MYH15: variants seen among roughly 807,000 people sequenced by gnomAD.
The protein encoded by MYH15 is myosin-15.
A neutral mutation model predicts 240.5 loss-of-function variants in MYH15; 227 were observed. The observed-to-expected ratio is 0.94, with a 90% CI of 0.85 to 1.05. The LOEUF (loss-of-function observed/expected upper bound fraction) is 1.05. MYH15 is among the 50% of genes least tolerant of loss of function. MYH15 has a pLI of 0.00. For missense variants in MYH15, 2,217 were observed against 2,247.5 expected, an observed-to-expected ratio of 0.99 and a Z score of 0.27; for synonymous variants, 785 against 796.7, an observed-to-expected ratio of 0.99 and a Z score of 0.25.
rs1346416474 is a variant in MYH15 at position 108,455,820 on chromosome 3, C to G, written c.2178G>C (p.Lys726Asn). ...CAGCTGCTTTTCTGCTGCTCACAAA[C>G]TTGCTCTTTGGAAAGGTCCTTGGAT... ...ILNPRTFPKS[K>N]FVSSRKAAEE... The change falls in exon 20 of 41, where the codon AAG becomes AAC. Residue 726 changes from lysine to asparagine, a missense_variant. By Grantham distance (94) the Lys-to-Asn change is moderately conservative (BLOSUM62 0). Transcript: ENST00000693548. 6.2e-7 allele frequency: 1 copy of G among 1,613,424 alleles called. No homozygotes were observed. The highest frequency in any genetic ancestry group is 1.1e-5 in the South Asian group (1 of 91,066).
intron 29 of MYH15, among the ~76,000 whole-genome samples, chr3:108,415,222 A>G (rs2082624048): frequency 6.6e-6 from 1 of 152,160 alleles, no homozygotes; most frequent in Admixed American, 6.5e-5. Context: ...AAAGAACACT[A>G]GATCCTGACG....
intron 16 of MYH15, chr3:108,461,801 T>G (rs1277213792): frequency 6.6e-6 from 1 of 152,194 alleles, no homozygotes; most frequent in African/African-American, 2.4e-5. Context: ...AATTATGTCA[T>G]CATGTGCTGA....
chr3:108,488,133 GTTA>G (rs1307450834), intron 9 of MYH15, among the ~76,000 whole-genome samples: 1 of 151,538 alleles, frequency 6.6e-6, no homozygotes, highest in African/African-American at 2.4e-5. Flanking sequence ...ATAATACATT[GTTA>G]TTAACTATAA....
intron 35 of MYH15, 148 bp from the exon 36 acceptor site, chr3:108,394,304 T>G: frequency 4.0e-6 from 4 of 1,008,742 alleles, no homozygotes; most frequent in Non-Finnish European, 5.7e-6. Context: ...GTGCTCCCAA[T>G]CCCGAAAGGC....
chr3:108,452,684 A>G (rs943418568), intron 21 of MYH15, among the ~76,000 whole-genome samples: 2 of 152,206 alleles, frequency 1.3e-5, no homozygotes, highest in Non-Finnish European at 2.9e-5. Flanking sequence ...CTTTTATATA[A>G]CATATATAAA....
intron 27 of MYH15, among the ~76,000 whole-genome samples, chr3:108,426,288 T>C (rs562336757): frequency 2.6e-5 from 4 of 151,664 alleles, no homozygotes; most frequent in African/African-American, 9.7e-5. Context: ...ACAGGTGCTA[T>C]TCATCAGGAG....
the MYH15 span, among the ~76,000 whole-genome samples, chr3:108,548,966 CATTAA>C: frequency 2.0e-5 from 3 of 151,954 alleles, no homozygotes; most frequent in Admixed American, 6.6e-5. Context: ...TTTTTCCTGA[CATTAA>C]ATTAATGAAC....
chr3:108,421,063 T>A (rs2082678504), intron 28 of MYH15, 25 bp downstream of exon 28: 1 of 1,613,302 alleles, frequency 6.2e-7, no homozygotes, highest in African/African-American at 1.3e-5. Context: ...GAATTGCCTA[T>A]GAGTCAAGCA....
chr3:108,525,919 C>G (rs1553690136), intron 1 of MYH15, among the ~76,000 whole-genome samples: 1 of 151,892 alleles, frequency 6.6e-6, no homozygotes, highest in Non-Finnish European at 1.5e-5. Context: ...AACAAATGGT[C>G]TGGAATTAGA....
rs1487628748 is a variant in MYH15 at position 108,428,879 on chromosome 3, AGTCT to A, written c.3313-2_3314del. On this transcript the variant is annotated splice_acceptor_variant and coding_sequence_variant, in exon 27 of 41. Transcript: ENST00000693548. LOFTEE classifies it high-confidence loss of function. ...GTTTCTCTTTCAAATCCTTTATTTG[AGTCT>A]GTAGCAAGAAATAATTTTGACTTTT... 2 of 1,596,394 alleles carry A rather than the reference AGTCT, an allele frequency of 1.3e-6. No homozygotes were observed. The highest frequency in any genetic ancestry group is 1.7e-6 in the Non-Finnish European group (2 of 1,174,866).
Position 108,442,268 on chromosome 3 carries a change from C to T in MYH15, c.2656-1008G>A, listed in dbSNP as rs1356422020. ...GGGAGGTAAAAATCCAGGCTATTGGCCTCTGAGTAGCTCCTGGCTGGAGAA... is the reference window on the plus strand; with the variant it reads ...GGGAGGTAAAAATCCAGGCTATTGGTCTCTGAGTAGCTCCTGGCTGGAGAA... On this transcript the variant is annotated intron_variant, in intron 22 of 40. Coordinates refer to ENST00000693548, the MANE Select transcript of MYH15 (RefSeq NM_014981.3). 3.9e-5 allele frequency among the ~76,000 whole-genome samples: 6 copies of T among 152,178 alleles called. No individual in the cohort carries two copies. The East Asian group carries it at 9.6e-4, about 24-fold the overall frequency.
chr3:108,398,934 C>G (rs2082483702), intron 34 of MYH15, 94 bp from the exon 35 acceptor site: 4 of 1,447,382 alleles, frequency 2.8e-6, no homozygotes, highest in Non-Finnish European at 2.9e-6. Context: ...TATATTTAGA[C>G]ATAAGCATGC....
Position 108,485,150 on chromosome 3 carries a change from C to T in MYH15, c.1055G>A (p.Gly352Glu). Residue 352 changes from glycine (G) to glutamate (E), a missense_variant, in exon 11 of 41, where the codon GGA (glycine) becomes GAA (glutamate). Physicochemically the swap from Gly to Glu is moderately conservative, Grantham distance 98. Coordinates refer to ENST00000693548, the MANE Select transcript of MYH15 (RefSeq NM_014981.3). Reference sequence around the variant, plus strand: ...AGGTTTCTGTTTAAATTTCATATTTCCAAAGTGCATGATGGCTCCAGTGAG... The same window carrying T: ...AGGTTTCTGTTTAAATTTCATATTTTCAAAGTGCATGATGGCTCCAGTGAG... ...YKLTGAIMHFGNMKFKQKPRE... is the reference protein window; with the variant it reads ...YKLTGAIMHFENMKFKQKPRE... 1 of 1,614,054 alleles carries T rather than the reference C, an allele frequency of 6.2e-7. No individual in the cohort carries two copies. The highest frequency in any genetic ancestry group is 8.5e-7 in the Non-Finnish European group (1 of 1,179,952).
Position 108,529,228 on chromosome 3 carries a change from A to G in MYH15, c.-58+35T>C, listed in dbSNP as rs969168501. 5.0e-6 allele frequency: 8 copies of G among 1,591,326 alleles called. No homozygotes were observed. In the African/African-American group the frequency reaches 1.1e-4, roughly 21 times the overall value. Reference sequence around the variant, plus strand: ...CTGTCAGGCTATTCAGCATTCTGTTAGACAAATTAAAACATATGTTGGGAG... The same window carrying G: ...CTGTCAGGCTATTCAGCATTCTGTTGGACAAATTAAAACATATGTTGGGAG... On this transcript the variant is annotated intron_variant, in intron 1 of 41. Coordinates refer to the MYH15 transcript ENST00000273353.
the MYH15 span, among the ~76,000 whole-genome samples, chr3:108,547,705 C>T: frequency 6.6e-6 from 1 of 152,134 alleles, no homozygotes. Flanking sequence ...GTCATATAGA[C>T]TGCTATTTTC....
chr3:108,384,816 CA>C (rs1379521869), intron 38 of MYH15, 34 bp from the exon 39 acceptor site: 1 of 1,580,130 alleles, frequency 6.3e-7, no homozygotes, highest in African/African-American at 1.3e-5. Context: ...GAAGGTGATT[CA>C]GAGGATCCAG....
chr3:108,501,279 G>A (rs2083436142), intron 3 of MYH15, among the ~76,000 whole-genome samples: 1 of 152,198 alleles, frequency 6.6e-6, no homozygotes, highest in South Asian at 2.1e-4. Context: ...TCAATTTAAA[G>A]ATGATGAAGA....
chr3:108,508,331 G>T (rs2083494560), intron 1 of MYH15, among the ~76,000 whole-genome samples: 14 of 152,148 alleles, frequency 9.2e-5, no homozygotes, highest in Admixed American at 9.2e-4. Context: ...TTTAAAAAAT[G>T]AAGTAAATGA....
In MYH15 at chr3:108,485,363, A is replaced by G. The variant is rs1264612763; in HGVS notation, c.976-134T>C. 2.8e-5 allele frequency: 28 copies of G among 982,930 alleles called. No homozygotes were observed. The East Asian group carries it at 6.3e-4, about 22-fold the overall frequency. The allele number at this position is 982,930 out of a possible 1,614,324, so 60.9% of individuals were successfully genotyped here. ...AGACAGCTCTGTTCAAAGCAATGCA[A>G]ATCAGCCCTGTTGGCACTTGGTCAC... is the stretch of plus-strand genomic sequence containing the variant. On this transcript the variant is annotated intron_variant, in intron 10 of 40. Transcript: ENST00000693548.
Sources: gnomAD v4.1 joint callset for allele counts (sites outside exome capture counted in the v4.1 genomes callset) on GRCh38, gnomAD v4.1.1 for gene constraint, MANE v1.5 for transcripts, NCBI Gene and HGNC (gene_info 2026-07-23, HGNC 2026-07-21) for gene names.